Variants in IFIH1 observed in about 807,000 individuals in gnomAD.
IFIH1 encodes the protein interferon induced with helicase C domain 1.
IFIH1 carries 125 observed loss-of-function variants against 107.4 expected under a neutral mutation model. The observed-to-expected ratio is 1.16, with a 90% CI of 1.01 to 1.35. IFIH1 has a LOEUF of 1.35. Among genes scored for constraint, IFIH1 ranks in the 40% most tolerant of loss-of-function variants. The probability of loss-of-function intolerance (pLI) is 0.00; values close to 1 mark genes in which losing one functional copy is unlikely to be tolerated. For synonymous variants in IFIH1, 458 were observed against 413.2 expected (o/e 1.11, Z -1.31); for missense variants, 1,333 against 1,213.7 (o/e 1.10, Z -1.46).
At chr2:162,317,019 G>A (rs1242729786) in intron 1 of IFIH1, among the ~76,000 whole-genome samples, 1 of 114,826 alleles carries the variant, frequency 8.7e-6, no homozygotes, top group Non-Finnish European at 1.6e-5. Flanking sequence ...GAAAAAGGGT[G>A]TGTGTGTGTG....
At chr2:162,277,037 AT>A (rs748873333) in intron 10 of IFIH1, 91 bp from the exon 11 acceptor site, 5 of 875,704 alleles carry the variant, frequency 5.7e-6, no homozygotes, top group Non-Finnish European at 8.6e-6. Flanking sequence ...TACACCAAAA[AT>A]ATACAGTTTT....
At chr2:162,280,369 G>A (rs565299258) in intron 7 of IFIH1, among the ~76,000 whole-genome samples, 1 of 151,994 alleles carries the variant, frequency 6.6e-6, no homozygotes, top group Non-Finnish European at 1.5e-5. Flanking sequence ...AATCAAGTTG[G>A]TGTAATAACA....
In IFIH1 at chr2:162,318,271, A is replaced by T. The variant is rs763796280; in HGVS notation, c.37T>A (p.Tyr13Asn). ...CTGGCCCTGAAGCACGAGATGAGATAGCGGAAATTCTCGTCTGTGGAATAC... is the reference window on the plus strand; with the variant it reads ...CTGGCCCTGAAGCACGAGATGAGATTGCGGAAATTCTCGTCTGTGGAATAC... ...NGYSTDENFRYLISCFRARVK... is the reference protein window; with the variant it reads ...NGYSTDENFRNLISCFRARVK... The change falls in exon 1 of 16, where the codon TAT becomes AAT. Residue 13 changes from tyrosine (Y) to asparagine (N), a missense_variant. Coordinates refer to ENST00000649979, the MANE Select transcript of IFIH1 (RefSeq NM_022168.4). The T allele has an allele frequency of 3.1e-5, 50 of 1,613,968 alleles. No individual in the cohort carries two copies. In the East Asian group the frequency reaches 1.1e-3, roughly 36 times the overall value.
intron 12 of IFIH1, among the ~76,000 whole-genome samples, chr2:162,273,512 T>A (rs1691086117): frequency 6.6e-6 from 1 of 152,132 alleles, no homozygotes; most frequent in Non-Finnish European, 1.5e-5. Context: ...CTTTTGACTC[T>A]TACAAATGGG....
intron 3 of IFIH1, among the ~76,000 whole-genome samples, chr2:162,298,733 A>T (rs1485176039): frequency 6.6e-6 from 1 of 152,038 alleles, no homozygotes; most frequent in African/African-American, 2.4e-5. Context: ...GAGGAAATAG[A>T]TCACTTTTAT....
rs773810038 is a variant in IFIH1 at position 162,282,586 on chromosome 2, A to C, written c.1096-10T>G. The C allele has an allele frequency of 9.5e-6, 15 of 1,578,420 alleles. No individual in the cohort carries two copies. Among genetic ancestry groups the C allele is most frequent in the Non-Finnish European group, 1.1e-5 (13 of 1,156,954 alleles). ...GTTCAACTAGCAGTACCTTAAAAAA[A>C]TGTGAAGATTTTTTAAAAGAGAGAA... is the stretch of plus-strand genomic sequence containing the variant. On this transcript the variant is annotated splice_polypyrimidine_tract_variant and intron_variant, in intron 5 of 15. Transcript: ENST00000649979.
intron 4 of IFIH1, among the ~76,000 whole-genome samples, chr2:162,288,560 C>G (rs898766302): frequency 2.0e-5 from 3 of 151,874 alleles, no homozygotes; most frequent in Admixed American, 1.3e-4. Context: ...CAGAAGGAGT[C>G]TGGGGGTGTG....
At position 162,277,520 on chromosome 2, in the gene IFIH1, C is replaced by T. The variant is rs749912569; in HGVS notation, c.1939G>A (p.Glu647Lys). The change falls in exon 10 of 16, where the codon GAG (glutamate) becomes AAG (lysine). Residue 647 changes from glutamate (E) to lysine (K), a missense_variant. Transcript: ENST00000649979. ...KFAVIEDDSD[E>K]GGDDEYCDGD... ...TCACAATACTCATCATCACCACCCT[C>T]ATCACTATCATCTTCTATGACTGCA... 2 of 1,582,078 alleles carry T rather than the reference C, an allele frequency of 1.3e-6. No homozygotes were observed. Among genetic ancestry groups the T allele is most frequent in the African/African-American group, 2.7e-5 (2 of 74,404 alleles).
intron 3 of IFIH1, among the ~76,000 whole-genome samples, chr2:162,300,406 G>T (rs982623495): frequency 2.6e-5 from 4 of 152,150 alleles, no homozygotes; most frequent in African/African-American, 9.6e-5. Context: ...ACACTGGGGA[G>T]ATTTCTTTCT....
chr2:162,308,247 G>C (rs1362722897), intron 2 of IFIH1, among the ~76,000 whole-genome samples: 1 of 152,114 alleles, frequency 6.6e-6, no homozygotes, highest in Non-Finnish European at 1.5e-5. Context: ...ATTTGCAGAT[G>C]GCCACGTTCT....
At chr2:162,305,246 T>C (rs1338301629) in intron 3 of IFIH1, among the ~76,000 whole-genome samples, 1 of 152,222 alleles carries the variant, frequency 6.6e-6, no homozygotes, top group Non-Finnish European at 1.5e-5. Flanking sequence ...TACAGATTTC[T>C]TGCAATGCAT....
intron 8 of IFIH1, among the ~76,000 whole-genome samples, 198 bp from the exon 9 acceptor site, chr2:162,278,526 A>G (rs1392324386): frequency 6.6e-6 from 1 of 152,106 alleles, no homozygotes; most frequent in Non-Finnish European, 1.5e-5. Context: ...AGCCACACCC[A>G]CACCAACACC....
chr2:162,302,330 T>C (rs1465961186), intron 3 of IFIH1, among the ~76,000 whole-genome samples: 1 of 152,226 alleles, frequency 6.6e-6, no homozygotes, highest in African/African-American at 2.4e-5. Context: ...TCAGAAATAA[T>C]AATTATAAAT....
intron 12 of IFIH1, among the ~76,000 whole-genome samples, chr2:162,273,589 A>G (rs1691088197): frequency 6.6e-6 from 1 of 152,232 alleles, no homozygotes; most frequent in African/African-American, 2.4e-5. Flanking sequence ...TTGTTTAAAC[A>G]TACAACAGGT....
chr2:162,313,617 T>C (rs1472178947), intron 1 of IFIH1, among the ~76,000 whole-genome samples: 1 of 152,222 alleles, frequency 6.6e-6, no homozygotes, highest in Non-Finnish European at 1.5e-5. Flanking sequence ...TTTTCTTCCC[T>C]TTATAATAAC....
Position 162,298,880 on chromosome 2 carries a change from G to A in IFIH1, c.770-5212C>T, listed in dbSNP as rs552755100. 2.6e-5 allele frequency among the ~76,000 whole-genome samples: 4 copies of A among 152,132 alleles called. No homozygotes were observed. The South Asian group carries it at 8.3e-4, about 32-fold the overall frequency. On this transcript the variant is annotated intron_variant, in intron 3 of 15. Transcript: ENST00000649979. Reference sequence around the variant, plus strand: ...ATGTGTTCCCACAGAATGGAGAGAAGCCACCTCCACCCACCTTGCATATTC... The same window carrying A: ...ATGTGTTCCCACAGAATGGAGAGAAACCACCTCCACCCACCTTGCATATTC...
At chr2:162,285,826 A>G (rs1008399670) in intron 5 of IFIH1, among the ~76,000 whole-genome samples, 3 of 152,040 alleles carry the variant, frequency 2.0e-5, no homozygotes, top group Admixed American at 6.6e-5. Flanking sequence ...TGAAAAGATC[A>G]ATAGTTAAAG....
intron 2 of IFIH1, among the ~76,000 whole-genome samples, chr2:162,309,593 A>C (rs918554345): frequency 6.6e-6 from 1 of 152,156 alleles, no homozygotes; most frequent in African/African-American, 2.4e-5. Flanking sequence ...TGCTGGTATA[A>C]TATATCTCTA....
intron 1 of IFIH1, among the ~76,000 whole-genome samples, chr2:162,314,898 C>T (rs181168399): frequency 5.9e-5 from 9 of 152,206 alleles, no homozygotes; most frequent in East Asian, 5.8e-4. Flanking sequence ...GCATGGCATC[C>T]GGCACAAAGA....
Sources: gnomAD v4.1 joint callset for allele counts (sites outside exome capture counted in the v4.1 genomes callset) on GRCh38, gnomAD v4.1.1 for gene constraint, MANE v1.5 for transcripts, NCBI Gene and HGNC (gene_info 2026-07-23, HGNC 2026-07-21) for gene names.